TJP1: variants seen among roughly 807,000 people sequenced by gnomAD.
TJP1 encodes tight junction protein ZO-1.
Under a neutral mutation model 194.2 loss-of-function variants are expected in TJP1, and 43 were observed. The ratio of observed to expected loss-of-function variants is 0.22; its 90% confidence interval spans 0.17 to 0.29. TJP1 has a LOEUF of 0.29. Ranked by LOEUF, TJP1 falls within the 10% of genes least tolerant of loss-of-function variation. The probability of loss-of-function intolerance (pLI) is 1.00; values close to 1 mark genes in which losing one functional copy is unlikely to be tolerated. For missense variants in TJP1, 1,971 were observed against 2,185.7 expected, an observed-to-expected ratio of 0.90 and a Z score of 1.96; for synonymous variants, 801 against 779.0, an observed-to-expected ratio of 1.03 and a Z score of -0.47.
chr15:29,765,512 A>T (rs546363650), intron 5 of TJP1, among the ~76,000 whole-genome samples: 1 of 152,094 alleles, frequency 6.6e-6, no homozygotes, highest in African/African-American at 2.4e-5. Context: ...AACTTCAAAG[A>T]AGTACTGCAT....
chr15:29,840,174 A>G (rs942776634), intron 2 of TJP1, among the ~76,000 whole-genome samples: 2 of 151,832 alleles, frequency 1.3e-5, no homozygotes, highest in African/African-American at 4.8e-5. Flanking sequence ...CGAATGCAGT[A>G]TTTTCTCTCA....
upstream of TJP1, chr15:29,823,724 G>A (rs540265188): frequency 3.3e-5 from 5 of 152,286 alleles, no homozygotes; most frequent in African/African-American, 1.2e-4. Context: ...CATAAAAATG[G>A]TTGAAGTCAT....
intron 1 of TJP1, among the ~76,000 whole-genome samples, chr15:29,800,977 C>T (rs1036743623): frequency 1.3e-5 from 2 of 152,176 alleles, no homozygotes; most frequent in African/African-American, 4.8e-5. Context: ...CAAGCTAATT[C>T]TGCAACTTTA....
intron 2 of TJP1, among the ~76,000 whole-genome samples, chr15:29,923,537 CA>C (rs2054431545): frequency 6.6e-6 from 1 of 152,088 alleles, no homozygotes; most frequent in Non-Finnish European, 1.5e-5. Flanking sequence ...AAACAGCATG[CA>C]AAGTCAAAGA....
intron 2 of TJP1, among the ~76,000 whole-genome samples, chr15:29,922,698 T>G (rs554512189): frequency 6.6e-6 from 1 of 152,258 alleles, no homozygotes; most frequent in African/African-American, 2.4e-5. Flanking sequence ...ATTAAATGGT[T>G]ATTATAAACC....
chr15:29,815,679 G>A (rs77585102), intron 1 of TJP1, among the ~76,000 whole-genome samples: 6,689 of 152,246 alleles, frequency 0.044, 166 homozygotes, highest in South Asian at 0.075. Flanking sequence ...ATCATATCAG[G>A]GGTATGTCAA....
chr15:29,962,590 AC>A (rs1185480695), intron 1 of TJP1, among the ~76,000 whole-genome samples: 1 of 152,158 alleles, frequency 6.6e-6, no homozygotes, highest in African/African-American at 2.4e-5. Context: ...CCCTTCCTCC[AC>A]TTGAGGGGAA....
chr15:29,949,853 TCCACAACCACCAC>T lies in TJP1; in HGVS notation c.306+6366_306+6378del, dbSNP rs1567226531. 3.3e-3 allele frequency among the ~76,000 whole-genome samples: 161 copies of T among 48,728 alleles called. 1 individual carries two copies. Among genetic ancestry groups the T allele is most frequent in the Non-Finnish European group, 4.1e-3 (112 of 27,158 alleles). The allele number at this position is 48,728 out of a possible 152,430, so 32.0% of individuals were successfully genotyped here. A position where few individuals can be genotyped will look rare whatever the true frequency, so the allele number is the denominator to read the frequency against. ...CACCACCACCTCCACAACCACCACCTCCACAACCACCACCTCCACCTCCACAACCACCACCTCC... is the reference window on the plus strand; with the variant it reads ...CACCACCACCTCCACAACCACCACCTCTCCACCTCCACAACCACCACCTCC... On this transcript the variant is annotated intron_variant, in intron 2 of 28. Coordinates refer to the TJP1 transcript ENST00000356107.
At chr15:29,831,495 A>T (rs1596063770) in intron 2 of TJP1, among the ~76,000 whole-genome samples, 1 of 152,224 alleles carries the variant, frequency 6.6e-6, no homozygotes, top group Non-Finnish European at 1.5e-5. Context: ...GGAAGGAGGT[A>T]CAAGTTAAAT....
chr15:29,841,902 T>C (rs1049384609), intron 2 of TJP1, among the ~76,000 whole-genome samples: 24 of 152,228 alleles, frequency 1.6e-4, no homozygotes, highest in African/African-American at 5.5e-4. Flanking sequence ...TGGTTCATCA[T>C]CATAACTGGG....
chr15:29,811,016 T>C (rs561279552), intron 1 of TJP1, among the ~76,000 whole-genome samples: 17 of 151,890 alleles, frequency 1.1e-4, no homozygotes, highest in African/African-American at 4.1e-4. Flanking sequence ...AGTCACAAAG[T>C]TAAATAAGTA....
chr15:29,863,124 C>A (rs2052156236), intron 2 of TJP1, among the ~76,000 whole-genome samples: 1 of 151,442 alleles, frequency 6.6e-6, no homozygotes, highest in East Asian at 2.0e-4. Context: ...GTGAAACCCC[C>A]ATCTGTACTA....
chr15:29,861,117 CAT>C (rs2052065304), intron 2 of TJP1, among the ~76,000 whole-genome samples: 2 of 152,116 alleles, frequency 1.3e-5, no homozygotes, highest in Non-Finnish European at 2.9e-5. Context: ...TTTGTGTGGA[CAT>C]ATGTTTTCAA....
chr15:29,787,819 G>A (rs990684630), intron 2 of TJP1, among the ~76,000 whole-genome samples: 1 of 152,080 alleles, frequency 6.6e-6, no homozygotes, highest in African/African-American at 2.4e-5. Context: ...GTAGACATTT[G>A]CTTTCATTTC....
intron 2 of TJP1, among the ~76,000 whole-genome samples, chr15:29,921,201 C>CT (rs889894590): frequency 2.6e-5 from 4 of 152,198 alleles, no homozygotes; most frequent in African/African-American, 9.6e-5. Flanking sequence ...CTCAAGCTTC[C>CT]TGGCCCTCTG....
At chr15:29,746,817 A>G (rs2044818779) in intron 8 of TJP1, among the ~76,000 whole-genome samples, 2 of 151,536 alleles carry the variant, frequency 1.3e-5, no homozygotes, top group Non-Finnish European at 2.9e-5. Context: ...CATAGTTTCT[A>G]TTTTTGTATT....
intron 2 of TJP1, among the ~76,000 whole-genome samples, chr15:29,911,152 C>A (rs1056813233): frequency 6.6e-6 from 1 of 152,194 alleles, no homozygotes; most frequent in Non-Finnish European, 1.5e-5. Context: ...TACTCAAATG[C>A]AGTCATGTCA....
intron 2 of TJP1, among the ~76,000 whole-genome samples, chr15:29,891,132 C>CT (rs1342787665): frequency 6.6e-6 from 1 of 152,162 alleles, no homozygotes; most frequent in Non-Finnish European, 1.5e-5. Context: ...ATGCAATACT[C>CT]TGAAACCCTC....
rs913865443 is a variant in TJP1 at position 29,828,405 on chromosome 15, AT to A, written c.307-27704del. 7.6e-4 allele frequency among the ~76,000 whole-genome samples: 115 copies of A among 151,610 alleles called. 1 individual carries two copies. The highest frequency in any genetic ancestry group is 2.2e-3 in the African/African-American group (90 of 41,476). Reference sequence around the variant, plus strand: ...ATAATGTCACAACAACAACAAAAAAATATATATATATCTTTTTGTATACATG... The same window carrying A: ...ATAATGTCACAACAACAACAAAAAAAATATATATATCTTTTTGTATACATG... On this transcript the variant is annotated intron_variant, in intron 2 of 28. Transcript: ENST00000356107.
Sources: gnomAD v4.1 joint callset for allele counts (sites outside exome capture counted in the v4.1 genomes callset) on GRCh38, gnomAD v4.1.1 for gene constraint, MANE v1.5 for transcripts, NCBI Gene and HGNC (gene_info 2026-07-23, HGNC 2026-07-21) for gene names.